LIMS1: variants seen among roughly 807,000 people sequenced by gnomAD.
LIMS1 encodes the protein LIM zinc finger domain containing 1, also known as LIM and senescent cell antigen-like-containing domain protein 1.
In LIMS1, 18 loss-of-function variants were observed where a neutral mutation model predicts 44.1. The ratio of observed to expected loss-of-function variants is 0.41; its 90% CI spans 0.28 to 0.61. The LOEUF is 0.61. LIMS1 is among the 20% of genes least tolerant of loss of function. The probability of loss-of-function intolerance (pLI) is 0.32; values close to 1 mark genes in which losing one functional copy is unlikely to be tolerated. For missense variants in LIMS1, 201 were observed against 422.0 expected (o/e 0.48, Z 4.59); for synonymous variants, 93 against 149.1 (o/e 0.62, Z 2.74).
chr2:108,646,667 T>TA (rs1286336680), intron 1 of LIMS1, among the ~76,000 whole-genome samples: 3 of 152,168 alleles, frequency 2.0e-5, no homozygotes, highest in African/African-American at 7.2e-5. Context: ...AAAAACCCTT[T>TA]AAAAAATAAA....
chr2:108,663,583 C>G (rs1691521931), intron 2 of LIMS1, among the ~76,000 whole-genome samples: 1 of 152,148 alleles, frequency 6.6e-6, no homozygotes, highest in African/African-American at 2.4e-5. Flanking sequence ...GAACCAAGGA[C>G]TAGGGACCTG....
intron 1 of LIMS1, among the ~76,000 whole-genome samples, chr2:108,549,294 T>G (rs1423673738): frequency 2.4e-5 from 3 of 122,500 alleles, no homozygotes; most frequent in Non-Finnish European, 5.1e-5. Flanking sequence ...TTTTTTTTTT[T>G]TTTTTTTTTT....
At chr2:108,551,513 A>G (rs1371485152) in intron 1 of LIMS1, among the ~76,000 whole-genome samples, 14 of 145,560 alleles carry the variant, frequency 9.6e-5, no homozygotes, top group Non-Finnish European at 1.8e-4. Context: ...ACACACACAC[A>G]CACACACACA....
intron 1 of LIMS1, among the ~76,000 whole-genome samples, chr2:108,578,406 T>G (rs1182810411): frequency 1.3e-5 from 2 of 152,164 alleles, no homozygotes; most frequent in Admixed American, 1.3e-4. Context: ...GCACTTATTT[T>G]GAAGTAGTTT....
At chr2:108,559,023 G>A (rs1239588840) in intron 1 of LIMS1, among the ~76,000 whole-genome samples, 4 of 152,168 alleles carry the variant, frequency 2.6e-5, no homozygotes, top group East Asian at 3.8e-4. Context: ...CCAAGGCGCC[G>A]GGGGCAGCTT....
At chr2:108,649,364 T>C (rs1690298125) in intron 1 of LIMS1, among the ~76,000 whole-genome samples, 1 of 152,240 alleles carries the variant, frequency 6.6e-6, no homozygotes. Flanking sequence ...GGAACACTTT[T>C]ACACTGTTGG....
chr2:108,599,921 T>G (rs1380422453), intron 1 of LIMS1, among the ~76,000 whole-genome samples: 2 of 151,888 alleles, frequency 1.3e-5, no homozygotes, highest in African/African-American at 2.4e-5. Flanking sequence ...CCCTTATATA[T>G]TCTGGTTATT....
chr2:108,687,132 G>A (rs1190558596), exon 10 of LIMS1: 9 of 152,198 alleles, frequency 5.9e-5, no homozygotes, highest in Admixed American at 2.6e-4. Context: ...CTTGTATTTC[G>A]TTTTAGATTG....
intron 1 of LIMS1, among the ~76,000 whole-genome samples, chr2:108,571,748 T>G (rs1406689724): frequency 6.6e-6 from 1 of 152,234 alleles, no homozygotes; most frequent in Admixed American, 6.5e-5. Flanking sequence ...ACTATCACTT[T>G]TCAGTTTCTG....
chr2:108,578,813 C>T (rs982050706), intron 1 of LIMS1, among the ~76,000 whole-genome samples: 3 of 152,064 alleles, frequency 2.0e-5, no homozygotes, highest in Non-Finnish European at 4.4e-5. Flanking sequence ...CCAGGATGGT[C>T]TCAATCTCCT....
intron 9 of LIMS1, 42 bp from the exon 10 acceptor site, chr2:108,683,843 G>A (rs1312982765): frequency 1.8e-6 from 2 of 1,085,542 alleles, no homozygotes; most frequent in Non-Finnish European, 2.7e-6. Flanking sequence ...TGTTGAATAT[G>A]TTTCCACTAA....
At chr2:108,567,908 G>A (rs1381962725) in intron 1 of LIMS1, among the ~76,000 whole-genome samples, 1 of 152,100 alleles carries the variant, frequency 6.6e-6, no homozygotes, top group Non-Finnish European at 1.5e-5. Context: ...ATAACGTGGT[G>A]GCAGGAGGTG....
At chr2:108,590,367 C>A (rs1298066881) in intron 1 of LIMS1, among the ~76,000 whole-genome samples, 1 of 152,162 alleles carries the variant, frequency 6.6e-6, no homozygotes, top group Non-Finnish European at 1.5e-5. Context: ...AGAGGATGAT[C>A]ATTTTAATTT....
chr2:108,630,282 C>T (rs1688835607), intron 1 of LIMS1, among the ~76,000 whole-genome samples: 1 of 151,700 alleles, frequency 6.6e-6, no homozygotes, highest in Non-Finnish European at 1.5e-5. Context: ...CAGTGAAATT[C>T]AGGCATCCCT....
chr2:108,605,597 C>T (rs1687228432), intron 1 of LIMS1, among the ~76,000 whole-genome samples: 1 of 152,178 alleles, frequency 6.6e-6, no homozygotes, highest in African/African-American at 2.4e-5. Flanking sequence ...CCAGTACCTA[C>T]TACATGCCCA....
intron 1 of LIMS1, among the ~76,000 whole-genome samples, chr2:108,558,503 CG>C (rs1219888470): frequency 2.6e-5 from 4 of 151,858 alleles, no homozygotes; most frequent in African/African-American, 9.7e-5. Context: ...GCCACCACAC[CG>C]GGACGATTTG....
At chr2:108,669,027 C>T (rs141990569) in intron 2 of LIMS1, among the ~76,000 whole-genome samples, 2 of 151,700 alleles carry the variant, frequency 1.3e-5, no homozygotes, top group African/African-American at 2.4e-5. Context: ...TGAGCCCAAG[C>T]GTTCAAGACA....
intron 1 of LIMS1, among the ~76,000 whole-genome samples, chr2:108,627,513 T>G (rs1185705485): frequency 6.6e-6 from 1 of 151,878 alleles, no homozygotes; most frequent in African/African-American, 2.4e-5. Context: ...TTATCTAAAT[T>G]ATTTATTGTG....
intron 1 of LIMS1, among the ~76,000 whole-genome samples, chr2:108,627,428 T>C (rs1193050698): frequency 3.4e-5 from 5 of 146,670 alleles, no homozygotes; most frequent in Non-Finnish European, 7.5e-5. Flanking sequence ...TTTGCACTGC[T>C]ATAGGAGACA....
Sources: gnomAD v4.1 joint callset for allele counts (sites outside exome capture counted in the v4.1 genomes callset) on GRCh38, gnomAD v4.1.1 for gene constraint, MANE v1.5 for transcripts, NCBI Gene and HGNC (gene_info 2026-07-23, HGNC 2026-07-21) for gene names.